The following CACNA1B variants were observed in gnomAD, a reference collection of about 807,000 sequenced individuals.
CACNA1B encodes voltage-dependent N-type calcium channel subunit alpha-1B.
In CACNA1B, 70 loss-of-function variants were observed where a neutral mutation model predicts 247.2. The observed-to-expected ratio is 0.28, with a 90% confidence interval of 0.23 to 0.35. CACNA1B has a LOEUF of 0.35. CACNA1B is among the 10% of genes least tolerant of loss of function. The pLI is 1.00. For synonymous variants in CACNA1B, 1,231 were observed against 1,294.4 expected, an observed-to-expected ratio of 0.95 and a Z score of 1.05; for missense variants, 2,367 against 3,197.4, an observed-to-expected ratio of 0.74 and a Z score of 6.26.
rs538689475 is a variant in CACNA1B at position 137,882,394 on chromosome 9, A to C, written c.391-350A>C. On this transcript the variant is annotated intron_variant, in intron 2 of 46. Coordinates refer to ENST00000371372, the MANE Select transcript of CACNA1B (RefSeq NM_000718.4). The surrounding 1 kb of genome is among the most constrained non-coding windows in gnomAD (Gnocchi z 4.0). Reference sequence around the variant, plus strand: ...TACTGTTACATCACTGTCTTCCCCGAAGCAAGGCCCACTGCATGGTGCTAG... The same window carrying C: ...TACTGTTACATCACTGTCTTCCCCGCAGCAAGGCCCACTGCATGGTGCTAG... 6.6e-6 allele frequency among the ~76,000 whole-genome samples: 1 copy of C among 152,330 alleles called. No homozygotes were observed. Among genetic ancestry groups the C allele is most frequent in the East Asian group, 1.9e-4 (1 of 5,178 alleles).
chr9:138,000,299 C>A (rs554728882), intron 15 of CACNA1B, among the ~76,000 whole-genome samples: 14 of 151,978 alleles, frequency 9.2e-5, no homozygotes, highest in Admixed American at 9.2e-4. Flanking sequence ...AGGGTTTCAC[C>A]GTGTTAGCCA....
intron 35 of CACNA1B, among the ~76,000 whole-genome samples, chr9:138,077,675 C>T (rs1960374555): frequency 6.6e-6 from 1 of 152,110 alleles, no homozygotes. Flanking sequence ...GAGAGCCTGG[C>T]TGTGTTTTGA....
chr9:137,969,315 G>T (rs1958117401), intron 10 of CACNA1B, among the ~76,000 whole-genome samples: 1 of 152,224 alleles, frequency 6.6e-6, no homozygotes. Context: ...TGGGGAGTGT[G>T]GTTCTGTGCA....
At chr9:137,984,346 C>A in intron 13 of CACNA1B, 96 bp downstream of exon 13, 2 of 838,666 alleles carry the variant, frequency 2.4e-6, no homozygotes, top group South Asian at 1.5e-5. Context: ...TTCACAGCAC[C>A]CAGAAGCTCT....
At chr9:137,934,307 G>A (rs1169509658) in intron 6 of CACNA1B, among the ~76,000 whole-genome samples, 1 of 152,166 alleles carries the variant, frequency 6.6e-6, no homozygotes, top group Non-Finnish European at 1.5e-5. Flanking sequence ...CAGAAGGCTT[G>A]TCCAGCACCA....
At position 138,054,099 on chromosome 9, in the gene CACNA1B, G is replaced by A. The variant is rs1589099353; in HGVS notation, c.3968+93G>A. 1.4e-5 allele frequency: 17 copies of A among 1,217,892 alleles called. No individual in the cohort carries two copies. Among genetic ancestry groups the A allele is most frequent in the South Asian group, 1.3e-4 (10 of 77,024 alleles). The allele number at this position is 1,217,892 out of a possible 1,614,324, so 75.4% of individuals were successfully genotyped here. On this transcript the variant is annotated intron_variant, in intron 26 of 46. Coordinates refer to ENST00000371372, the MANE Select transcript of CACNA1B (RefSeq NM_000718.4). This position sits in a 1 kb window ranked among gnomAD's most constrained non-coding sequence, Gnocchi z 4.6. ...TGGGACCAGGTGGAGCTGGTCACACGGCGTGGGAGACTCCACTGCAGAGCA... is the reference window on the plus strand; with the variant it reads ...TGGGACCAGGTGGAGCTGGTCACACAGCGTGGGAGACTCCACTGCAGAGCA...
intron 31 of CACNA1B, among the ~76,000 whole-genome samples, chr9:138,066,861 A>G (rs1027321785): frequency 6.6e-6 from 1 of 152,208 alleles, no homozygotes; most frequent in Non-Finnish European, 1.5e-5. Flanking sequence ...AATAAGCTCA[A>G]TAAAGTAGAA....
At chr9:138,116,227 G>GATCCTCT (rs1961864315) in intron 42 of CACNA1B, among the ~76,000 whole-genome samples, 1 of 151,504 alleles carries the variant, frequency 6.6e-6, no homozygotes, top group Non-Finnish European at 1.5e-5. Flanking sequence ...ACCCCGTAAG[G>GATCCTCT]CACTTTTCCT....
Position 138,010,113 on chromosome 9 carries a change from T to C in CACNA1B, c.2160+36T>C, listed in dbSNP as rs1332508071. The C allele has an allele frequency of 2.6e-6, 4 of 1,559,488 alleles. No homozygotes were observed. Among genetic ancestry groups the C allele is most frequent in the Non-Finnish European group, 3.5e-6 (4 of 1,130,568 alleles). On this transcript the variant is annotated intron_variant, in intron 17 of 46. Transcript: ENST00000371372. The surrounding 1 kb of genome is among the most constrained non-coding windows in gnomAD (Gnocchi z 5.3). The stretch of plus-strand genomic sequence containing the variant: ...ACAGGGAGGGACCGGTGTCAGCCCA[T>C]GTCACTTGAATGTGGCCGCAGCCAG...
At chr9:138,115,297 C>T (rs1389741652) in intron 41 of CACNA1B, among the ~76,000 whole-genome samples, 1 of 152,188 alleles carries the variant, frequency 6.6e-6, no homozygotes, top group African/African-American at 2.4e-5. Flanking sequence ...ACATGGCTTT[C>T]CTGAAGTCAC....
chr9:138,080,376 A>G (rs530531046), intron 36 of CACNA1B, among the ~76,000 whole-genome samples: 6 of 152,250 alleles, frequency 3.9e-5, no homozygotes, highest in Non-Finnish European at 8.8e-5. Context: ...GCAGAGTGGG[A>G]TGTGTGAGGT....
chr9:138,057,135 C>T lies in CACNA1B; in HGVS notation c.3969-597C>T, dbSNP rs111938618. ...TGTATTTTTAGTAGAGACGGGGGTT[C>T]ACCATGTTAGCCAGGATGGTCTCCA... On this transcript the variant is annotated intron_variant, in intron 26 of 46. Coordinates refer to ENST00000371372, the MANE Select transcript of CACNA1B (RefSeq NM_000718.4). This position sits in a 1 kb window ranked among gnomAD's most constrained non-coding sequence, Gnocchi z 4.0. Among the ~76,000 whole-genome samples, 4,883 of 151,928 alleles carry T rather than the reference C, an allele frequency of 0.032. 264 individuals are homozygous for T. Among genetic ancestry groups the T allele is most frequent in the African/African-American group, 0.11 (4,556 of 41,430 alleles).
At chr9:137,949,051 G>A (rs911704734) in intron 6 of CACNA1B, among the ~76,000 whole-genome samples, 1 of 118,844 alleles carries the variant, frequency 8.4e-6, no homozygotes, top group Non-Finnish European at 1.8e-5. Flanking sequence ...TGTGTGTGTG[G>A]GTGTGAAGTA....
intron 20 of CACNA1B, chr9:138,032,698 G>A (rs1275760583): frequency 2.2e-6 from 1 of 454,208 alleles, no homozygotes; most frequent in Non-Finnish European, 4.4e-6. Flanking sequence ...AAAAAAACGT[G>A]TGCCTCTTCC....
At chr9:138,047,305 C>A in intron 22 of CACNA1B, 94 bp from the exon 23 acceptor site, 1 of 956,222 alleles carries the variant, frequency 1.0e-6, no homozygotes, top group Non-Finnish European at 1.7e-6. Context: ...TGGCTGACTG[C>A]TCAGAGGCCT....
At chr9:137,996,004 A>T (rs1958496261) in intron 15 of CACNA1B, among the ~76,000 whole-genome samples, 1 of 152,244 alleles carries the variant, frequency 6.6e-6, no homozygotes, top group Non-Finnish European at 1.5e-5. Context: ...AATGAAAAAT[A>T]ATAGATGTTG....
Position 138,073,501 on chromosome 9 carries a change from A to G in CACNA1B, c.4688A>G (p.Asn1563Ser). The change falls in exon 33 of 47, where the codon AAC (asparagine) becomes AGC (serine). Residue 1563 changes from asparagine (N) to serine (S), a missense_variant. Physicochemically the swap from Asn to Ser is conservative, Grantham distance 46 (BLOSUM62 1). Coordinates refer to ENST00000371372, the MANE Select transcript of CACNA1B (RefSeq NM_000718.4). The surrounding 1 kb of genome is among the most constrained non-coding windows in gnomAD (Gnocchi z 6.4). ...TCTTCTCTGCAGAACAATTTCATCAACCTCAGCTTCCTCCGCCTCTTTCGA... is the reference window on the plus strand; with the variant it reads ...TCTTCTCTGCAGAACAATTTCATCAGCCTCAGCTTCCTCCGCCTCTTTCGA... The part of the protein sequence containing the change: ...TEIAETNNFI[N>S]LSFLRLFRAA... The G allele has an allele frequency of 6.2e-7, 1 of 1,610,868 alleles. No individual in the cohort carries two copies. Among genetic ancestry groups the G allele is most frequent in the Non-Finnish European group, 8.5e-7 (1 of 1,177,230 alleles).
At position 137,882,215 on chromosome 9, in the gene CACNA1B, G is replaced by A. The variant is rs1375019681; in HGVS notation, c.391-529G>A. 6.6e-6 allele frequency among the ~76,000 whole-genome samples: 1 copy of A among 152,204 alleles called. No individual in the cohort carries two copies. On this transcript the variant is annotated intron_variant, in intron 2 of 46. Coordinates refer to ENST00000371372, the MANE Select transcript of CACNA1B (RefSeq NM_000718.4). The surrounding 1 kb of genome is among the most constrained non-coding windows in gnomAD (Gnocchi z 4.0). Reference sequence around the variant, plus strand: ...GCTGTATCCAGGCAACCTTGTGCAGGTTCCCACCCAGAGGCTGCTGTGGCC... The same window carrying A: ...GCTGTATCCAGGCAACCTTGTGCAGATTCCCACCCAGAGGCTGCTGTGGCC...
chr9:137,904,658 G>A (rs147215706), intron 3 of CACNA1B, among the ~76,000 whole-genome samples: 640 of 152,058 alleles, frequency 4.2e-3, no homozygotes, highest in Non-Finnish European at 6.4e-3. Flanking sequence ...GTGAGCCACT[G>A]CACTGCCTCC....
Sources: gnomAD v4.1 joint callset for allele counts (sites outside exome capture counted in the v4.1 genomes callset) on GRCh38, gnomAD v4.1.1 for gene constraint, Gnocchi (gnomAD v3.1) non-coding constraint, MANE v1.5 for transcripts, NCBI Gene and HGNC (gene_info 2026-07-23, HGNC 2026-07-21) for gene names.